The following FER variants were observed in gnomAD, a reference collection of about 807,000 sequenced individuals.
FER encodes tyrosine-protein kinase Fer.
Under a neutral mutation model 111.0 loss-of-function variants are expected in FER, and 63 were observed. The ratio of observed to expected loss-of-function variants is 0.57; its 90% CI spans 0.46 to 0.70. FER has a LOEUF of 0.70. FER is among the 30% of genes least tolerant of loss of function. The probability of loss-of-function intolerance (pLI) is 0.00; values close to 1 mark genes in which losing one functional copy is unlikely to be tolerated. For missense variants in FER, 914 were observed against 954.0 expected (o/e 0.96, Z 0.55); for synonymous variants, 327 against 313.9 (o/e 1.04, Z -0.44).
At chr5:109,142,169 A>G (rs116884567) in intron 17 of FER, among the ~76,000 whole-genome samples, 5,198 of 152,274 alleles carry the variant, frequency 0.034, 144 homozygotes, top group South Asian at 0.084. Context: ...AGAGACTGCC[A>G]TAAAAACCTG....
chr5:108,933,344 A>C (rs1023495023), intron 10 of FER, among the ~76,000 whole-genome samples: 2 of 152,196 alleles, frequency 1.3e-5, no homozygotes, highest in Non-Finnish European at 2.9e-5. Flanking sequence ...TGTTTATTAA[A>C]TAGGGAATCC....
intron 2 of FER, among the ~76,000 whole-genome samples, chr5:108,769,955 GA>G (rs966429819): frequency 2.7e-5 from 4 of 149,040 alleles, no homozygotes; most frequent in African/African-American, 1.0e-4. Context: ...TGATGATGAT[GA>G]TTTTTTTTTG....
chr5:109,120,644 G>A (rs887915197), intron 17 of FER, among the ~76,000 whole-genome samples: 22 of 152,042 alleles, frequency 1.4e-4, no homozygotes, highest in Admixed American at 4.6e-4. Flanking sequence ...GAAGAATGCC[G>A]TTGGTATTTA....
intron 9 of FER, 65 bp from the exon 10 acceptor site, chr5:108,897,594 A>G (rs1358910908): frequency 6.1e-6 from 7 of 1,143,026 alleles, no homozygotes; most frequent in South Asian, 2.5e-5. Flanking sequence ...CATAATTTAC[A>G]TATATGAGGT....
intron 16 of FER, among the ~76,000 whole-genome samples, chr5:109,098,382 G>GA (rs1238234804): frequency 1.3e-5 from 2 of 151,590 alleles, no homozygotes; most frequent in African/African-American, 4.8e-5. Context: ...GTGCTAACTG[G>GA]AAAAAAAGTA....
chr5:108,871,580 A>T, intron 7 of FER, 78 bp downstream of exon 7: 1 of 1,054,280 alleles, frequency 9.5e-7, no homozygotes, highest in Non-Finnish European at 1.3e-6. Flanking sequence ...CACAGATAAA[A>T]ATAAGAAATA....
intron 3 of FER, among the ~76,000 whole-genome samples, chr5:108,809,247 G>A (rs1261258735): frequency 6.6e-6 from 1 of 152,066 alleles, no homozygotes; most frequent in African/African-American, 2.4e-5. Context: ...AGGTTTCGTT[G>A]CTTTACCTAA....
rs11959482 is a variant in FER at position 109,026,932 on chromosome 5, G to A, written c.1657-10490G>A. On this transcript the variant is annotated intron_variant, in intron 13 of 19. Coordinates refer to ENST00000281092, the MANE Select transcript of FER (RefSeq NM_005246.4). ...CTGACCTTGTGAACTGCCCACCTCGGCCTCCCAAAGTGCTGGGATTACAGG... is the reference window on the plus strand; with the variant it reads ...CTGACCTTGTGAACTGCCCACCTCGACCTCCCAAAGTGCTGGGATTACAGG... 1.0e-2 allele frequency among the ~76,000 whole-genome samples: 1,518 copies of A among 152,112 alleles called. 22 individuals are homozygous for A. The highest frequency in any genetic ancestry group is 0.035 in the African/African-American group (1,450 of 41,478).
chr5:109,000,153 T>C (rs935711059), intron 13 of FER, among the ~76,000 whole-genome samples: 2 of 151,676 alleles, frequency 1.3e-5, no homozygotes, highest in Non-Finnish European at 2.9e-5. Context: ...ATATAATATA[T>C]ATATAAGTTT....
chr5:108,980,635 A>G (rs1012582944), intron 13 of FER, among the ~76,000 whole-genome samples: 1 of 152,114 alleles, frequency 6.6e-6, no homozygotes, highest in African/African-American at 2.4e-5. Flanking sequence ...GCCCTTTGCA[A>G]GATCAAAGGA....
intron 2 of FER, among the ~76,000 whole-genome samples, chr5:108,787,257 C>G (rs1365374648): frequency 1.3e-5 from 2 of 152,322 alleles, no homozygotes; most frequent in Admixed American, 1.3e-4. Flanking sequence ...CAGAGTGGTG[C>G]TGATATGCCA....
At chr5:108,843,996 T>A in intron 5 of FER, among the ~76,000 whole-genome samples, 1 of 124,692 alleles carries the variant, frequency 8.0e-6, no homozygotes, top group South Asian at 2.7e-4. Flanking sequence ...TTTCGCCTCT[T>A]TCTATGTATA....
Position 109,126,450 on chromosome 5 carries a change from T to G in FER, c.2048+25931T>G, listed in dbSNP as rs375114550. 1.2e-3 allele frequency among the ~76,000 whole-genome samples: 189 copies of G among 152,288 alleles called. 5 individuals carry two copies. In the South Asian group the frequency reaches 0.039, roughly 31 times the overall value. ...AGAAAGTTCTTGGAAGAAAAAGAAT[T>G]TAGGATCTTGATTTCAGGGCTAGGC... On this transcript the variant is annotated intron_variant, in intron 17 of 19. Transcript: ENST00000281092.
At chr5:108,835,549 A>G (rs1019649799) in intron 4 of FER, among the ~76,000 whole-genome samples, 159 bp from the exon 5 acceptor site, 1 of 152,164 alleles carries the variant, frequency 6.6e-6, no homozygotes, top group African/African-American at 2.4e-5. Context: ...ACTGATTTTT[A>G]AAACATACTT....
At chr5:108,897,936 C>A in intron 10 of FER, 88 bp downstream of exon 10, 1 of 1,180,250 alleles carries the variant, frequency 8.5e-7, no homozygotes, top group Non-Finnish European at 1.2e-6. Context: ...TTTGCTATAA[C>A]AAATTGTTAC....
chr5:109,177,964 G>A (rs1313538894), intron 17 of FER, among the ~76,000 whole-genome samples: 1 of 152,174 alleles, frequency 6.6e-6, no homozygotes, highest in Non-Finnish European at 1.5e-5. Flanking sequence ...GTGTGAAGAG[G>A]CTGGGAGTAC....
intron 17 of FER, among the ~76,000 whole-genome samples, chr5:109,109,277 A>AT (rs1749313653): frequency 6.6e-6 from 1 of 152,088 alleles, no homozygotes; most frequent in Non-Finnish European, 1.5e-5. Context: ...TGTTTATTTT[A>AT]TTTATATAAA....
intron 16 of FER, among the ~76,000 whole-genome samples, chr5:109,068,679 G>T (rs1775412692): frequency 1.3e-5 from 2 of 152,104 alleles, no homozygotes. Context: ...CATGCTACTT[G>T]ATCTCTTTAA....
rs1352925289 is a variant in FER at position 108,954,846 on chromosome 5, C to T, written c.1447C>T (p.Arg483Ter). Reference protein sequence around the residue: ...LLKKQGDFLVRESHGKPGEYV... With the variant: ...LLKKQGDFLV Reference sequence around the variant, plus strand: ...AAAAAAACAAGGAGACTTTTTGGTGCGAGAGAGTCATGGGAAACCTGGTGA... The same window carrying T: ...AAAAAAACAAGGAGACTTTTTGGTGTGAGAGAGTCATGGGAAACCTGGTGA... The change falls in exon 12 of 20, where the codon CGA (arginine) becomes TGA (stop). Residue 483 changes from arginine to a stop codon, truncating the protein, a stop_gained. Coordinates refer to ENST00000281092, the MANE Select transcript of FER (RefSeq NM_005246.4). LOFTEE classifies it high-confidence loss of function. The T allele has an allele frequency of 5.0e-6, 8 of 1,611,532 alleles. No homozygotes were observed. The highest frequency in any genetic ancestry group is 6.8e-6 in the Non-Finnish European group (8 of 1,178,932).
Sources: gnomAD v4.1 joint callset for allele counts (sites outside exome capture counted in the v4.1 genomes callset) on GRCh38, gnomAD v4.1.1 for gene constraint, MANE v1.5 for transcripts, NCBI Gene and HGNC (gene_info 2026-07-23, HGNC 2026-07-21) for gene names.